Variants in DBNL observed in about 807,000 individuals in gnomAD.
DBNL encodes drebrin like, also known as drebrin-like protein.
DBNL carries 35 observed loss-of-function variants against 62.2 expected under a neutral mutation model. The observed-to-expected ratio is 0.56, with a 90% CI of 0.43 to 0.75. The LOEUF is 0.75. Among genes scored for constraint, DBNL ranks in the 30% least tolerant of loss-of-function variants. The probability of loss-of-function intolerance (pLI) is 0.00; values close to 1 mark genes in which losing one functional copy is unlikely to be tolerated. For missense variants in DBNL, 495 were observed against 578.4 expected, an observed-to-expected ratio of 0.86 and a Z score of 1.48; for synonymous variants, 197 against 218.0, an observed-to-expected ratio of 0.90 and a Z score of 0.85.
rs1278744532 is a variant in DBNL at position 44,062,323 on chromosome 7, G to T, written c.*1407G>T. On this transcript the variant is annotated 3_prime_UTR_variant, in exon 13 of 13. Coordinates refer to ENST00000448521, the MANE Select transcript of DBNL (RefSeq NM_001014436.3). ...TTGCCTGTCCCAACCCAAGAGGCAG[G>T]GCTCAAAGTGCCACCCGGGGGTTGC... is the stretch of plus-strand genomic sequence containing the variant. The T allele has an allele frequency of 9.0e-6, 2 of 222,890 alleles. No homozygotes were observed. The highest frequency in any genetic ancestry group is 4.5e-5 in the African/African-American group (2 of 44,378). 13.8% of individuals were successfully genotyped at this position (222,890 alleles called of 1,614,324 possible).
intron 4 of DBNL, 62 bp downstream of exon 4, chr7:44,053,003 T>C (rs1188923768): frequency 1.9e-6 from 3 of 1,570,518 alleles, no homozygotes. Context: ...GTCTCGCAGG[T>C]TCCTGGGTGC....
chr7:44,053,380 CT>C (rs909390490), intron 4 of DBNL, among the ~76,000 whole-genome samples: 6 of 152,172 alleles, frequency 3.9e-5, no homozygotes, highest in Non-Finnish European at 7.3e-5. Context: ...ATAATAGAAC[CT>C]TTTTAAATTT....
intron 2 of DBNL, 152 bp from the exon 3 acceptor site, chr7:44,051,678 C>T (rs1205593598): frequency 1.5e-6 from 1 of 651,238 alleles, no homozygotes. Flanking sequence ...GTGCCCAGGA[C>T]TCTGATTTTA....
intron 4 of DBNL, among the ~76,000 whole-genome samples, chr7:44,054,858 C>T (rs1412333706): frequency 6.6e-6 from 1 of 152,188 alleles, no homozygotes; most frequent in Non-Finnish European, 1.5e-5. Context: ...ACTTTTTTAG[C>T]TCCCACATGA....
chr7:44,065,613 C>A lies in DBNL; in HGVS notation c.*4697C>A. The stretch of plus-strand genomic sequence containing the variant: ...AGCTTTATAATAGTGTCTTCCCAGC[C>A]CCCACCCACCCCAGCCAACTGCCAA... On this transcript the variant is annotated 3_prime_UTR_variant, in exon 13 of 13. Coordinates refer to ENST00000448521, the MANE Select transcript of DBNL (RefSeq NM_001014436.3). 7.6e-7 allele frequency: 1 copy of A among 1,318,040 alleles called. No homozygotes were observed. Among genetic ancestry groups the A allele is most frequent in the South Asian group, 1.2e-5 (1 of 83,590 alleles). 81.6% of individuals were successfully genotyped at this position (1,318,040 alleles called of 1,614,324 possible). A position where few individuals can be genotyped will look rare whatever the true frequency, so the allele number is the denominator to read the frequency against.
rs2096161083 is a variant in DBNL, at chr7:44,066,869, G to A, written c.*5953G>A. The stretch of plus-strand genomic sequence containing the variant: ...TCACTGTTCCACACTGATCCTGATT[G>A]AAGCCACATCTCCTCATCTGCTTTT... On this transcript the variant is annotated 3_prime_UTR_variant, in exon 13 of 13. Coordinates refer to ENST00000448521, the MANE Select transcript of DBNL (RefSeq NM_001014436.3). The A allele has an allele frequency of 2.6e-5, 4 of 152,428 alleles. No individual in the cohort carries two copies. The highest frequency in any genetic ancestry group is 2.0e-4 in the Admixed American group (3 of 15,302). The allele number at this position is 152,428 out of a possible 1,614,324, so 9.4% of individuals were successfully genotyped here.
chr7:44,062,969 C>T lies in DBNL; in HGVS notation c.*2053C>T. 6.2e-7 allele frequency: 1 copy of T among 1,610,376 alleles called. No homozygotes were observed. Among genetic ancestry groups the T allele is most frequent in the East Asian group, 2.2e-5 (1 of 44,870 alleles). ...AATAGGTGTCCTTAGCCCCTCTGTC[C>T]CCAGCCTGTTTACACAGCAGACACT... On this transcript the variant is annotated 3_prime_UTR_variant, in exon 13 of 13. Coordinates refer to ENST00000448521, the MANE Select transcript of DBNL (RefSeq NM_001014436.3).
chr7:44,065,101 G>A lies in DBNL; in HGVS notation c.*4185G>A, dbSNP rs1349898295. 6.2e-7 allele frequency: 1 copy of A among 1,613,398 alleles called. No individual in the cohort carries two copies. ...CTGCAGCTTCCCAGAGGCCTTCCCA[G>A]CAAAGGCAGCCCACCTTGCTAATGG... On this transcript the variant is annotated 3_prime_UTR_variant, in exon 13 of 13. Coordinates refer to ENST00000448521, the MANE Select transcript of DBNL (RefSeq NM_001014436.3).
Position 44,060,985 on chromosome 7 carries a change from G to C in DBNL, c.*69G>C. 1 of 1,563,918 alleles carries C rather than the reference G, an allele frequency of 6.4e-7. No homozygotes were observed. Among genetic ancestry groups the C allele is most frequent in the South Asian group, 1.2e-5 (1 of 84,852 alleles). On this transcript the variant is annotated 3_prime_UTR_variant, in exon 13 of 13. Coordinates refer to ENST00000448521, the MANE Select transcript of DBNL (RefSeq NM_001014436.3). This position sits in a 1 kb window ranked among gnomAD's most constrained non-coding sequence, Gnocchi z 6.3. ...CTTATTGCTGGAAGAGGAGGCCTGGGAGTTGACATTCAGCACTCTTCCAGG... is the reference window on the plus strand; with the variant it reads ...CTTATTGCTGGAAGAGGAGGCCTGGCAGTTGACATTCAGCACTCTTCCAGG...
Position 44,052,952 on chromosome 7 carries a change from G to A in DBNL, c.327+11G>A. 1 of 1,610,734 alleles carries A rather than the reference G, an allele frequency of 6.2e-7. No individual in the cohort carries two copies. The highest frequency in any genetic ancestry group is 8.5e-7 in the Non-Finnish European group (1 of 1,179,382). On this transcript the variant is annotated intron_variant, in intron 4 of 12. Transcript: ENST00000448521. Reference sequence around the variant, plus strand: ...GCCAGCTTCCTGAAGGTAAGGCCAGGTGAGGCCCGCTTCACTGGGAACAGG... The same window carrying A: ...GCCAGCTTCCTGAAGGTAAGGCCAGATGAGGCCCGCTTCACTGGGAACAGG...
At chr7:44,057,910 G>A (rs1168245339) in intron 6 of DBNL, 51 bp downstream of exon 6, 1 of 1,610,908 alleles carries the variant, frequency 6.2e-7, no homozygotes, top group Non-Finnish European at 8.5e-7. Flanking sequence ...TCTGCTTGCT[G>A]TGGCTCATCT....
rs1183211017 is a variant in DBNL at position 44,056,875 on chromosome 7, T to G, written c.446T>G (p.Phe149Cys). The G allele has an allele frequency of 1.2e-6, 2 of 1,613,946 alleles. No individual in the cohort carries two copies. Among genetic ancestry groups the G allele is most frequent in the Non-Finnish European group, 1.7e-6 (2 of 1,180,016 alleles). Residue 149 changes from phenylalanine (F) to cysteine (C), a missense_variant, in exon 5 of 13, where the codon TTC becomes TGC. Transcript: ENST00000448521. ...AGCTTTCACAAGGAGAGTGGCCGCTTCCAGGACGTGGGACCCCAGGCCCCA... is the reference window on the plus strand; with the variant it reads ...AGCTTTCACAAGGAGAGTGGCCGCTGCCAGGACGTGGGACCCCAGGCCCCA... ...NYSFHKESGR[F>C]QDVGPQAPVG...
chr7:44,059,835 G>T lies in DBNL; in HGVS notation c.1047+177G>T, dbSNP rs2096144978. Among the ~76,000 whole-genome samples, 1 of 152,326 alleles carries T rather than the reference G, an allele frequency of 6.6e-6. No individual in the cohort carries two copies. The highest frequency in any genetic ancestry group is 3.4e-3 in the Middle Eastern group (1 of 294). ...CCCACTCTATAGGAGGTGCTGGGTG[G>T]GAAGAGGACCTTGCAGCCTATGGCT... On this transcript the variant is annotated intron_variant, in intron 11 of 12. Transcript: ENST00000448521. This position sits in a 1 kb window ranked among gnomAD's most constrained non-coding sequence, Gnocchi z 4.1.
At position 44,059,108 on chromosome 7, in the gene DBNL, G is replaced by A. The variant is rs2096142978; in HGVS notation, c.835+125G>A. Reference sequence around the variant, plus strand: ...GTGACGGGTGAGTGAGTGAGGAGAAGGGACACCTGGGGCCATTGACCTCAT... The same window carrying A: ...GTGACGGGTGAGTGAGTGAGGAGAAAGGACACCTGGGGCCATTGACCTCAT... On this transcript the variant is annotated intron_variant, in intron 9 of 12. Transcript: ENST00000448521. This position sits in a 1 kb window ranked among gnomAD's most constrained non-coding sequence, Gnocchi z 4.1. 7 of 1,073,304 alleles carry A rather than the reference G, an allele frequency of 6.5e-6. No individual in the cohort carries two copies. The highest frequency in any genetic ancestry group is 8.1e-6 in the Non-Finnish European group (6 of 739,314). 66.5% of individuals were successfully genotyped at this position (1,073,304 alleles called of 1,614,324 possible).
chr7:44,059,712 C>T lies in DBNL; in HGVS notation c.1047+54C>T, dbSNP rs2096144663. The T allele has an allele frequency of 6.7e-7, 1 of 1,490,346 alleles. No homozygotes were observed. The highest frequency in any genetic ancestry group is 2.2e-5 in the Admixed American group (1 of 45,894). 92.3% of individuals were successfully genotyped at this position (1,490,346 alleles called of 1,614,324 possible). On this transcript the variant is annotated intron_variant, in intron 11 of 12. Transcript: ENST00000448521. This position sits in a 1 kb window ranked among gnomAD's most constrained non-coding sequence, Gnocchi z 4.1. ...GGAAGGGGCTGCATACTCAGGAACA[C>T]TTATCACGGGCCGCCTGAGTTTTCT...
Position 44,065,523 on chromosome 7 carries a change from T to A in DBNL, c.*4607T>A. 1 of 1,613,758 alleles carries A rather than the reference T, an allele frequency of 6.2e-7. No homozygotes were observed. The highest frequency in any genetic ancestry group is 1.1e-5 in the South Asian group (1 of 91,080). ...TGCCGGACCATCACGAGGCGGTGAG[T>A]GGCCATGGTGGCAGCAGGGACCACA... On this transcript the variant is annotated 3_prime_UTR_variant, in exon 13 of 13. Coordinates refer to ENST00000448521, the MANE Select transcript of DBNL (RefSeq NM_001014436.3).
Position 44,058,886 on chromosome 7 carries a change from A to G in DBNL, c.754-16A>G. 1 of 1,613,812 alleles carries G rather than the reference A, an allele frequency of 6.2e-7. No individual in the cohort carries two copies. The highest frequency in any genetic ancestry group is 8.5e-7 in the Non-Finnish European group (1 of 1,179,912). Reference sequence around the variant, plus strand: ...GGTTTTGCCCACTGCAGGGGTCAACATGTGCTTCCCTCCAGGAGTCTGCCG... The same window carrying G: ...GGTTTTGCCCACTGCAGGGGTCAACGTGTGCTTCCCTCCAGGAGTCTGCCG... On this transcript the variant is annotated splice_polypyrimidine_tract_variant and intron_variant, in intron 8 of 12. Coordinates refer to ENST00000448521, the MANE Select transcript of DBNL (RefSeq NM_001014436.3).
rs2096138973 is a variant in DBNL at position 44,057,687 on chromosome 7, G to A, written c.475-95G>A. 3.6e-6 allele frequency: 5 copies of A among 1,386,198 alleles called. No individual in the cohort carries two copies. The South Asian group carries it at 6.0e-5, about 17-fold the overall frequency. The allele number at this position is 1,386,198 out of a possible 1,614,324, so 85.9% of individuals were successfully genotyped here. On this transcript the variant is annotated intron_variant, in intron 5 of 12. Transcript: ENST00000448521. ...GGTCCAGTCCTAGCAGCACTCACCT[G>A]TGCTGTCGCAAGTTTAGCGTATTCT...
chr7:44,058,911 G>T lies in DBNL; in HGVS notation c.763G>T (p.Val255Leu). ...SRNRNEQESA[V>L]HPREIFKQKE... The stretch of plus-strand genomic sequence containing the variant: ...ATGTGCTTCCCTCCAGGAGTCTGCC[G>T]TGCACCCGAGGGAGATTTTCAAGCA... The change falls in exon 9 of 13, where the codon GTG (valine) becomes TTG (leucine). Residue 255 changes from valine to leucine, a missense_variant. Val to Leu is a conservative substitution (Grantham distance 32). Coordinates refer to ENST00000448521, the MANE Select transcript of DBNL (RefSeq NM_001014436.3). 2 of 1,613,802 alleles carry T rather than the reference G, an allele frequency of 1.2e-6. No individual in the cohort carries two copies. Among genetic ancestry groups the T allele is most frequent in the Non-Finnish European group, 1.7e-6 (2 of 1,179,952 alleles).
Sources: gnomAD v4.1 joint callset for allele counts (sites outside exome capture counted in the v4.1 genomes callset) on GRCh38, gnomAD v4.1.1 for gene constraint, Gnocchi (gnomAD v3.1) non-coding constraint, MANE v1.5 for transcripts, NCBI Gene and HGNC (gene_info 2026-07-23, HGNC 2026-07-21) for gene names.